The following EPHB1 variants were observed in gnomAD, a reference collection of about 807,000 sequenced individuals.
EPHB1 encodes the protein EPH receptor B1, also known as ephrin type-B receptor 1.
In EPHB1, 30 loss-of-function variants were observed where a neutral mutation model predicts 94.4. That is an observed-to-expected ratio of 0.32 (90% CI 0.24 to 0.43). EPHB1 has a LOEUF of 0.43. Ranked by LOEUF, EPHB1 falls within the 20% of genes least tolerant of loss-of-function variation. The probability of loss-of-function intolerance (pLI) is 1.00; values close to 1 mark genes in which losing one functional copy is unlikely to be tolerated. For missense variants in EPHB1, 1,055 were observed against 1,308.3 expected, an observed-to-expected ratio of 0.81 and a Z score of 2.99; for synonymous variants, 522 against 489.1, an observed-to-expected ratio of 1.07 and a Z score of -0.89.
rs898223940 is a variant in EPHB1 at position 135,207,625 on chromosome 3, A to G, written c.2346+5936A>G. On this transcript the variant is annotated intron_variant, in intron 12 of 15. Coordinates refer to ENST00000398015, the MANE Select transcript of EPHB1 (RefSeq NM_004441.5). ...ATAACAAAATTGCCTAACTGTGTCT[A>G]GGAGGGCTTGCAGAGGAAGAGATGG... 2.0e-5 allele frequency among the ~76,000 whole-genome samples: 3 copies of G among 152,228 alleles called. No individual in the cohort carries two copies. The South Asian group carries it at 6.2e-4, about 32-fold the overall frequency.
intron 3 of EPHB1, among the ~76,000 whole-genome samples, chr3:134,992,841 T>G (rs1934861118): frequency 1.3e-5 from 2 of 152,174 alleles, no homozygotes; most frequent in African/African-American, 4.8e-5. Flanking sequence ...TTGCTGTATT[T>G]GCTTCCCTGG....
At chr3:134,872,581 G>A (rs1344043424) in intron 1 of EPHB1, among the ~76,000 whole-genome samples, 1 of 152,202 alleles carries the variant, frequency 6.6e-6, no homozygotes, top group Non-Finnish European at 1.5e-5. Context: ...TAGAATGGGG[G>A]CTGCCAGTTG....
intron 3 of EPHB1, among the ~76,000 whole-genome samples, chr3:135,007,743 C>T (rs893868668): frequency 6.6e-6 from 1 of 152,212 alleles, no homozygotes; most frequent in Non-Finnish European, 1.5e-5. Context: ...TCAATCCCCA[C>T]GTGATCAGTC....
intron 3 of EPHB1, among the ~76,000 whole-genome samples, chr3:135,088,401 G>GAA (rs1938436267): frequency 6.6e-6 from 1 of 152,144 alleles, no homozygotes; most frequent in Non-Finnish European, 1.5e-5. Flanking sequence ...TAGTTTCATC[G>GAA]AAAAGAAATG....
intron 9 of EPHB1, among the ~76,000 whole-genome samples, chr3:135,172,847 C>T (rs1941844022): frequency 6.6e-6 from 1 of 152,210 alleles, no homozygotes; most frequent in Admixed American, 6.5e-5. Context: ...CTGCTGCTGG[C>T]TGTAAGCCAG....
At chr3:135,172,202 T>G (rs897660708) in intron 9 of EPHB1, among the ~76,000 whole-genome samples, 6 of 152,166 alleles carry the variant, frequency 3.9e-5, no homozygotes, top group Non-Finnish European at 7.3e-5. Flanking sequence ...GAAATGCCAG[T>G]GTTCAGTGCT....
chr3:135,252,680 T>G (rs76978946), intron 15 of EPHB1, among the ~76,000 whole-genome samples: 4,699 of 112,834 alleles, frequency 0.042, 152 homozygotes, highest in East Asian at 0.076. Context: ...AAACATACGT[T>G]TGCACGTGTC....
chr3:134,942,658 G>T (rs1403851447), intron 2 of EPHB1, among the ~76,000 whole-genome samples: 1 of 152,206 alleles, frequency 6.6e-6, no homozygotes, highest in Non-Finnish European at 1.5e-5. Flanking sequence ...GGTCAAGTTG[G>T]TGATGCACTC....
intron 2 of EPHB1, among the ~76,000 whole-genome samples, chr3:134,938,944 T>C (rs1425309013): frequency 6.6e-6 from 1 of 152,162 alleles, no homozygotes; most frequent in Non-Finnish European, 1.5e-5. Flanking sequence ...CGCATGATTA[T>C]GGGTTGGGCA....
intron 1 of EPHB1, among the ~76,000 whole-genome samples, chr3:134,912,097 CAG>C (rs1219025828): frequency 6.6e-6 from 1 of 152,210 alleles, no homozygotes; most frequent in Admixed American, 6.5e-5. Context: ...ATTAGGGCTG[CAG>C]AGAGTCATTT....
intron 1 of EPHB1, 39 bp from the exon 2 acceptor site, chr3:134,925,777 A>C: frequency 6.5e-7 from 1 of 1,528,688 alleles, no homozygotes; most frequent in Non-Finnish European, 8.8e-7. Flanking sequence ...CTTCTGACTC[A>C]TTGTTTTTGT....
Position 135,129,023 on chromosome 3 carries a change from G to T in EPHB1, c.962-3691G>T, listed in dbSNP as rs141598825. Among the ~76,000 whole-genome samples, 616 of 152,266 alleles carry T rather than the reference G, an allele frequency of 4.0e-3. 1 individual carries two copies. The highest frequency in any genetic ancestry group is 7.2e-3 in the Non-Finnish European group (491 of 68,014). Reference sequence around the variant, plus strand: ...TAATGTCTGTTTCTGCTCCTTGGAAGGAAGGGATTCAGATTTATGTACTCC... The same window carrying T: ...TAATGTCTGTTTCTGCTCCTTGGAATGAAGGGATTCAGATTTATGTACTCC... On this transcript the variant is annotated intron_variant, in intron 4 of 15. Transcript: ENST00000398015.
At chr3:135,027,882 A>C (rs1440617855) in intron 3 of EPHB1, among the ~76,000 whole-genome samples, 1 of 135,858 alleles carries the variant, frequency 7.4e-6, no homozygotes, top group African/African-American at 2.5e-5. Flanking sequence ...TAAGGTATTG[A>C]TTATTGCCAC....
chr3:135,165,924 CA>C, intron 7 of EPHB1, 43 bp from the exon 8 acceptor site: 1 of 1,459,610 alleles, frequency 6.9e-7, no homozygotes, highest in Non-Finnish European at 9.6e-7. Context: ...CAGCTGTATG[CA>C]AAAGGCACAT....
At chr3:134,959,482 C>G (rs982709900) in intron 3 of EPHB1, among the ~76,000 whole-genome samples, 44 of 152,202 alleles carry the variant, frequency 2.9e-4, no homozygotes, top group African/African-American at 1.1e-3. Flanking sequence ...GAACTTCTGT[C>G]AACTGTCTCT....
At chr3:134,870,673 G>A (rs984063212) in intron 1 of EPHB1, among the ~76,000 whole-genome samples, 11 of 152,212 alleles carry the variant, frequency 7.2e-5, no homozygotes, top group Non-Finnish European at 1.6e-4. Flanking sequence ...CCTAACCTCC[G>A]AAAACCCCAG....
At chr3:135,170,958 A>G (rs889996369) in intron 9 of EPHB1, among the ~76,000 whole-genome samples, 2 of 152,248 alleles carry the variant, frequency 1.3e-5, no homozygotes, top group African/African-American at 4.8e-5. Context: ...GAACTTTGGG[A>G]AAAGCACAAA....
intron 2 of EPHB1, among the ~76,000 whole-genome samples, chr3:134,938,581 TGACA>T (rs2039055268): frequency 1.3e-5 from 2 of 152,020 alleles, no homozygotes; most frequent in South Asian, 4.1e-4. Flanking sequence ...GCACAGGTGC[TGACA>T]GACAGACAGA....
chr3:135,038,004 C>T (rs1356357642), intron 3 of EPHB1, among the ~76,000 whole-genome samples: 1 of 152,138 alleles, frequency 6.6e-6, no homozygotes, highest in Non-Finnish European at 1.5e-5. Context: ...ACCTAAGAGC[C>T]GCAGGAACAT....
Sources: allele counts gnomAD v4.1 joint callset (sites outside exome capture counted in the v4.1 genomes callset), GRCh38; gene constraint gnomAD v4.1.1; transcripts MANE v1.5; gene names NCBI Gene and HGNC (gene_info 2026-07-23, HGNC 2026-07-21).